Variants in ERI3 observed in about 807,000 individuals in gnomAD.
ERI3 encodes ERI1 exoribonuclease 3.
Under a neutral mutation model 44.4 loss-of-function variants are expected in ERI3, and 18 were observed. The ratio of observed to expected loss-of-function variants is 0.41; its 90% CI spans 0.28 to 0.60. ERI3 has a LOEUF of 0.60. ERI3 is among the 20% of genes least tolerant of loss of function. The probability of loss-of-function intolerance (pLI) is 0.36; values close to 1 mark genes in which losing one functional copy is unlikely to be tolerated. For missense variants in ERI3, 294 were observed against 435.5 expected, an observed-to-expected ratio of 0.68 and a Z score of 2.89; for synonymous variants, 183 against 164.8, an observed-to-expected ratio of 1.11 and a Z score of -0.84.
At chr1:44,250,528 C>T (rs539256766) in intron 7 of ERI3, among the ~76,000 whole-genome samples, 7 of 152,288 alleles carry the variant, frequency 4.6e-5, no homozygotes, top group South Asian at 2.1e-4. Context: ...GGCAGGAAAG[C>T]GAAGGTGCCA....
At chr1:44,302,567 C>A (rs569954876) in intron 6 of ERI3, among the ~76,000 whole-genome samples, 1 of 152,348 alleles carries the variant, frequency 6.6e-6, no homozygotes, top group Admixed American at 6.5e-5. Flanking sequence ...GATTCATTAA[C>A]TTGTAACCCT....
At chr1:44,342,755 T>C (rs1646680189) in intron 2 of ERI3, among the ~76,000 whole-genome samples, 1 of 124,770 alleles carries the variant, frequency 8.0e-6, no homozygotes, top group South Asian at 2.9e-4. Flanking sequence ...CAAGCAATCT[T>C]CCCACTTCAG....
chr1:44,254,816 G>A (rs1644749671), intron 7 of ERI3, among the ~76,000 whole-genome samples: 1 of 151,534 alleles, frequency 6.6e-6, no homozygotes, highest in South Asian at 2.1e-4. Flanking sequence ...GAGACACTAC[G>A]CTTCTTGTCT....
chr1:44,227,200 C>A (rs114257826), intron 8 of ERI3, among the ~76,000 whole-genome samples: 2 of 152,138 alleles, frequency 1.3e-5, no homozygotes, highest in South Asian at 4.1e-4. Flanking sequence ...TCTCCACAGG[C>A]CTCCTGCCTG....
rs1313704418 is a variant in ERI3, at chr1:44,233,807, A to G, written c.932-12167T>C. 5.3e-5 allele frequency among the ~76,000 whole-genome samples: 8 copies of G among 151,906 alleles called. No homozygotes were observed. In the East Asian group the frequency reaches 1.4e-3, roughly 26 times the overall value. ...TCCCTTTTCCATTGGCTAGTACCCA[A>G]TCTCTCCTCCCTTTTAGAGGCAAAC... On this transcript the variant is annotated intron_variant, in intron 8 of 8. Transcript: ENST00000372257.
chr1:44,268,081 A>C (rs1387228720), intron 7 of ERI3, among the ~76,000 whole-genome samples: 1 of 152,212 alleles, frequency 6.6e-6, no homozygotes, highest in Non-Finnish European at 1.5e-5. Flanking sequence ...AGCTGAATTC[A>C]AAATAATTTT....
intron 2 of ERI3, among the ~76,000 whole-genome samples, chr1:44,349,334 G>A (rs986967457): frequency 6.6e-6 from 1 of 151,864 alleles, no homozygotes; most frequent in Non-Finnish European, 1.5e-5. Context: ...TTGTATTTTT[G>A]TAGAGATGGG....
intron 2 of ERI3, among the ~76,000 whole-genome samples, chr1:44,342,836 T>TATATATATATATATATATAA (rs1557867765): frequency 1.4e-4 from 4 of 27,598 alleles, no homozygotes; most frequent in Non-Finnish European, 2.7e-4. Flanking sequence ...TATATATATA[T>TATATATATATATATATATAA]ATATATATAT....
At chr1:44,269,667 T>C (rs1027369165) in intron 7 of ERI3, among the ~76,000 whole-genome samples, 2 of 152,234 alleles carry the variant, frequency 1.3e-5, no homozygotes, top group Admixed American at 6.5e-5. Context: ...CTGACTTTCA[T>C]TGAACACACA....
chr1:44,221,540 C>G lies in ERI3; in HGVS notation c.*18G>C, dbSNP rs201606332. On this transcript the variant is annotated 3_prime_UTR_variant, in exon 9 of 9. Coordinates refer to ENST00000372257, the MANE Select transcript of ERI3 (RefSeq NM_024066.3). This position sits in a 1 kb window ranked among gnomAD's most constrained non-coding sequence, Gnocchi z 5.9. ...GCCAAACAGCTACCCTGTCCTGCCCCATCCTGTCCTCGGCCAATCAGAACG... is the reference window on the plus strand; with the variant it reads ...GCCAAACAGCTACCCTGTCCTGCCCGATCCTGTCCTCGGCCAATCAGAACG... The G allele has an allele frequency of 1.3e-5, 21 of 1,610,308 alleles. No homozygotes were observed. In the African/African-American group the frequency reaches 2.5e-4, roughly 19 times the overall value.
At chr1:44,308,257 C>T (rs941533380) in intron 6 of ERI3, 53 bp downstream of exon 6, 2 of 1,333,788 alleles carry the variant, frequency 1.5e-6, no homozygotes, top group Non-Finnish European at 2.2e-6. Context: ...AAGGCCAGAC[C>T]TGGTCCCACA....
chr1:44,320,194 C>T (rs1646170477), intron 3 of ERI3, among the ~76,000 whole-genome samples: 1 of 152,128 alleles, frequency 6.6e-6, no homozygotes, highest in South Asian at 2.1e-4. Flanking sequence ...TTGAACCAAG[C>T]TGGTAAGTTT....
At chr1:44,307,125 T>C (rs2154327451) in intron 6 of ERI3, among the ~76,000 whole-genome samples, 1 of 152,128 alleles carries the variant, frequency 6.6e-6, no homozygotes, top group East Asian at 1.9e-4. Flanking sequence ...CCAAGAGGGG[T>C]GCAGTCAGTT....
chr1:44,247,398 C>T lies in ERI3; in HGVS notation c.931+541G>A, dbSNP rs551198044. On this transcript the variant is annotated intron_variant, in intron 8 of 8. Transcript: ENST00000372257. ...CCCCATTTGGTACCCCAAGTGGACCCCCTCAACCCAGGCACCGCTCAATGG... is the reference window on the plus strand; with the variant it reads ...CCCCATTTGGTACCCCAAGTGGACCTCCTCAACCCAGGCACCGCTCAATGG... Among the ~76,000 whole-genome samples the T allele has an allele frequency of 2.6e-3, 402 of 152,268 alleles. 1 individual carries two copies. The highest frequency in any genetic ancestry group is 9.2e-3 in the African/African-American group (384 of 41,562).
chr1:44,267,328 G>C (rs2154320957), intron 7 of ERI3, among the ~76,000 whole-genome samples: 1 of 152,182 alleles, frequency 6.6e-6, no homozygotes, highest in East Asian at 1.9e-4. Context: ...TTCTGGTTAG[G>C]AGAGCCCTCC....
intron 7 of ERI3, among the ~76,000 whole-genome samples, chr1:44,251,004 G>A (rs193128570): frequency 6.6e-6 from 1 of 152,254 alleles, no homozygotes; most frequent in East Asian, 1.9e-4. Context: ...CAGCCTCACG[G>A]GGCCACCCTA....
At chr1:44,342,847 ATATATATATATTTTTTTTTTTTTTTT>A (rs1474032543) in intron 2 of ERI3, among the ~76,000 whole-genome samples, 1 of 32,058 alleles carries the variant, frequency 3.1e-5, no homozygotes, top group African/African-American at 1.5e-4. Context: ...ATATATATAT[ATATATATATATTTTTTTTTTTTTTTT>A]TTTTTTTTTT....
intron 2 of ERI3, among the ~76,000 whole-genome samples, chr1:44,344,646 C>T (rs1646748970): frequency 6.6e-6 from 1 of 152,178 alleles, no homozygotes; most frequent in South Asian, 2.1e-4. Context: ...GGCTATAAGT[C>T]TATAGCTTAT....
Position 44,346,694 on chromosome 1 carries a change from T to C in ERI3, c.211+6156A>G, listed in dbSNP as rs188049018. On this transcript the variant is annotated intron_variant, in intron 2 of 8. Coordinates refer to ENST00000372257, the MANE Select transcript of ERI3 (RefSeq NM_024066.3). ...ACTTCCTATACTCCTGGTCCCAAGA[T>C]GGGGAACTGCTGTAAAAGCAAGGAG... 2.4e-3 allele frequency among the ~76,000 whole-genome samples: 372 copies of C among 152,222 alleles called. 2 individuals carry two copies. Among genetic ancestry groups the C allele is most frequent in the Non-Finnish European group, 3.8e-3 (256 of 68,010 alleles).
Sources: allele counts gnomAD v4.1 joint callset (sites outside exome capture counted in the v4.1 genomes callset), GRCh38; gene constraint gnomAD v4.1.1; non-coding constraint Gnocchi (gnomAD v3.1); transcripts MANE v1.5; gene names NCBI Gene and HGNC (gene_info 2026-07-23, HGNC 2026-07-21).